The following ASTN2 variants were observed in gnomAD, a reference collection of about 807,000 sequenced individuals.
ASTN2 encodes astrotactin-2.
Under a neutral mutation model 139.8 loss-of-function variants are expected in ASTN2, and 54 were observed. The observed-to-expected ratio is 0.39, with a 90% CI of 0.31 to 0.48. The LOEUF (loss-of-function observed/expected upper bound fraction) is 0.48. ASTN2 is among the 20% of genes least tolerant of loss of function. The probability of loss-of-function intolerance (pLI) is 0.95; values close to 1 mark genes in which losing one functional copy is unlikely to be tolerated. For missense variants in ASTN2, 1,565 were observed against 1,725.1 expected, an observed-to-expected ratio of 0.91 and a Z score of 1.64; for synonymous variants, 756 against 719.5, an observed-to-expected ratio of 1.05 and a Z score of -0.81.
chr9:116,713,852 G>C (rs1458182759), intron 16 of ASTN2, among the ~76,000 whole-genome samples: 1 of 152,132 alleles, frequency 6.6e-6, no homozygotes, highest in Admixed American at 6.5e-5. Flanking sequence ...CATATCTCCT[G>C]GCATGTAGTG....
intron 19 of ASTN2, among the ~76,000 whole-genome samples, chr9:116,608,222 G>A (rs1187331605): frequency 1.3e-5 from 2 of 152,184 alleles, no homozygotes; most frequent in Non-Finnish European, 2.9e-5. Context: ...GAGCTGCATA[G>A]AGGAAAAATT....
chr9:117,372,096 C>T (rs1343874251), intron 1 of ASTN2, among the ~76,000 whole-genome samples: 2 of 152,082 alleles, frequency 1.3e-5, no homozygotes, highest in Non-Finnish European at 2.9e-5. Flanking sequence ...ATTTCTAGTG[C>T]CTTGTTGAGC....
rs72243746 is a variant in ASTN2 at position 116,737,467 on chromosome 9, A to ATGTGTGTG, written c.2397-3952_2397-3945dup. ...TTAGCGCTCGTGTGTGTGTGTGTGAATGTGTGTGTGTGTGTGTGTGTGTGT... is the reference window on the plus strand; with the variant it reads ...TTAGCGCTCGTGTGTGTGTGTGTGAATGTGTGTGTGTGTGTGTGTGTGTGTGTGTGTGT... On this transcript the variant is annotated intron_variant, in intron 13 of 22. Coordinates refer to ENST00000313400, the MANE Select transcript of ASTN2 (RefSeq NM_001365068.1). 4.5e-3 allele frequency among the ~76,000 whole-genome samples: 661 copies of ATGTGTGTG among 148,256 alleles called. 20 individuals carry two copies. The East Asian group carries it at 0.082, about 18-fold the overall frequency.
intron 7 of ASTN2, among the ~76,000 whole-genome samples, chr9:116,995,355 G>C (rs1354743629): frequency 2.6e-5 from 4 of 152,154 alleles, no homozygotes; most frequent in African/African-American, 7.2e-5. Context: ...TAGAGAAAAG[G>C]GGACTTGTCA....
At chr9:117,252,779 C>T (rs932174930) in intron 2 of ASTN2, among the ~76,000 whole-genome samples, 5 of 152,168 alleles carry the variant, frequency 3.3e-5, no homozygotes, top group Admixed American at 6.5e-5. Context: ...TTTAAACCCA[C>T]GTCAAGATTT....
chr9:116,621,166 G>A (rs1428116511), intron 17 of ASTN2, among the ~76,000 whole-genome samples: 1 of 152,128 alleles, frequency 6.6e-6, no homozygotes, highest in Non-Finnish European at 1.5e-5. Flanking sequence ...GGGCCAGAGA[G>A]TAAATATTTT....
At chr9:116,926,577 A>G (rs1186484595) in intron 10 of ASTN2, among the ~76,000 whole-genome samples, 3 of 152,228 alleles carry the variant, frequency 2.0e-5, no homozygotes, top group African/African-American at 7.2e-5. Flanking sequence ...ACCAATGCTC[A>G]TAATAATACA....
chr9:116,706,931 G>A (rs886699728), intron 16 of ASTN2, among the ~76,000 whole-genome samples: 1 of 151,972 alleles, frequency 6.6e-6, no homozygotes, highest in Admixed American at 6.6e-5. Flanking sequence ...TGGCATTTAA[G>A]AACAAGATTA....
chr9:117,167,608 C>T (rs1192170895), intron 3 of ASTN2, among the ~76,000 whole-genome samples: 2 of 151,972 alleles, frequency 1.3e-5, no homozygotes, highest in Non-Finnish European at 1.5e-5. Context: ...CTCTTTTGAA[C>T]CTGAATGTGA....
intron 16 of ASTN2, among the ~76,000 whole-genome samples, chr9:116,708,808 T>C (rs1373865867): frequency 6.6e-6 from 1 of 152,158 alleles, no homozygotes; most frequent in Non-Finnish European, 1.5e-5. Context: ...ATATTTCTCA[T>C]TTACAAATTT....
chr9:117,117,513 G>A lies in ASTN2; in HGVS notation c.1169-21362C>T, dbSNP rs1481324630. On this transcript the variant is annotated intron_variant, in intron 4 of 22. Transcript: ENST00000313400. ...GGGCTCCCCTCACCTACTGCCTCAA[G>A]ATGTGAGCAGAGGCTTTTTCTCTCC... Among the ~76,000 whole-genome samples the A allele has an allele frequency of 4.6e-5, 7 of 152,178 alleles. No individual in the cohort carries two copies. The South Asian group carries it at 8.3e-4, about 18-fold the overall frequency.
chr9:116,857,329 CT>C, intron 11 of ASTN2, among the ~76,000 whole-genome samples: 1 of 152,294 alleles, frequency 6.6e-6, no homozygotes, highest in East Asian at 1.9e-4. Flanking sequence ...TATGACCACT[CT>C]TTTCTCTGCA....
chr9:116,843,551 C>T (rs1039209164), intron 11 of ASTN2, among the ~76,000 whole-genome samples: 12 of 150,782 alleles, frequency 8.0e-5, no homozygotes, highest in Admixed American at 5.3e-4. Context: ...CTCAGGTACT[C>T]GGGAGGGTGA....
chr9:116,565,395 A>C (rs1411593862), intron 19 of ASTN2, among the ~76,000 whole-genome samples: 10,664 of 43,802 alleles, frequency 0.24, 1,537 homozygotes, highest in Non-Finnish European at 0.27. Context: ...CTCCATATAT[A>C]TATATATATA....
At chr9:116,592,742 A>C (rs1231448848) in intron 19 of ASTN2, among the ~76,000 whole-genome samples, 1 of 152,226 alleles carries the variant, frequency 6.6e-6, no homozygotes, top group Non-Finnish European at 1.5e-5. Context: ...GAAAGCTCTC[A>C]AAGATGACTG....
chr9:116,438,858 G>A (rs959642782), intron 22 of ASTN2, among the ~76,000 whole-genome samples: 1 of 152,138 alleles, frequency 6.6e-6, no homozygotes, highest in Non-Finnish European at 1.5e-5. Context: ...GCTGAGGCAG[G>A]AGAATCGCTT....
chr9:116,571,452 C>A (rs996965982), intron 19 of ASTN2, among the ~76,000 whole-genome samples: 14 of 152,190 alleles, frequency 9.2e-5, no homozygotes, highest in Admixed American at 3.3e-4. Flanking sequence ...CTTTTAGAAA[C>A]ATTTACTGAA....
intron 10 of ASTN2, among the ~76,000 whole-genome samples, chr9:116,940,376 G>A (rs1835190074): frequency 6.6e-6 from 1 of 152,120 alleles, no homozygotes; most frequent in African/African-American, 2.4e-5. Context: ...TGCAGAAAAG[G>A]CATTGCTATC....
At chr9:117,366,533 C>A (rs907859853) in intron 1 of ASTN2, among the ~76,000 whole-genome samples, 7 of 152,072 alleles carry the variant, frequency 4.6e-5, no homozygotes, top group Admixed American at 3.9e-4. Flanking sequence ...TGACCATGAT[C>A]TTTTCATAAG....
Sources: gnomAD v4.1 joint callset for allele counts (sites outside exome capture counted in the v4.1 genomes callset) on GRCh38, gnomAD v4.1.1 for gene constraint, MANE v1.5 for transcripts, NCBI Gene and HGNC (gene_info 2026-07-23, HGNC 2026-07-21) for gene names.